OASL: variants seen among roughly 807,000 people sequenced by gnomAD.
OASL encodes the protein 2'-5'-oligoadenylate synthetase like, also known as 2'-5'-oligoadenylate synthase-like protein.
In OASL, 28 loss-of-function variants were observed where a neutral mutation model predicts 35.3. The ratio of observed to expected loss-of-function variants is 0.79; its 90% CI spans 0.59 to 1.09. The LOEUF (loss-of-function observed/expected upper bound fraction) is 1.09. Ranked by LOEUF, OASL falls within the 50% of genes least tolerant of loss-of-function variation. The pLI is 0.00. For synonymous variants in OASL, 252 were observed against 254.6 expected, an observed-to-expected ratio of 0.99 and a Z score of 0.10; for missense variants, 620 against 635.2, an observed-to-expected ratio of 0.98 and a Z score of 0.26.
At position 121,026,877 on chromosome 12, in the gene OASL, A is replaced by G. The variant is rs937785399; in HGVS notation, c.899+699T>C. Among the ~76,000 whole-genome samples, 5 of 151,800 alleles carry G rather than the reference A, an allele frequency of 3.3e-5. 1 individual carries two copies. The East Asian group carries it at 5.8e-4, about 18-fold the overall frequency. On this transcript the variant is annotated intron_variant, in intron 4 of 5. Coordinates refer to ENST00000257570, the Ensembl canonical transcript of OASL. ...AAAAAAAAAAAAAAAAAGTTACGCA[A>G]TGAGACCCAGATTCCTTCCATCTTT...
In OASL at chr12:121,033,743, C is replaced by T. The variant is rs1427842424; in HGVS notation, c.199G>A (p.Val67Met). The change falls in exon 2 of 6, where the codon GTG (valine) becomes ATG (methionine). Residue 67 changes from valine (V) to methionine (M), a missense_variant and splice_region_variant. By Grantham distance (21) the Val-to-Met change is conservative. Coordinates refer to ENST00000257570, the Ensembl canonical transcript of OASL. Reference sequence around the variant, plus strand: ...ACCGTGCCATTCCCGAAGGAGCCCACCTGCAGAACACAGAGCCCCGTCACC... The same window carrying T: ...ACCGTGCCATTCCCGAAGGAGCCCATCTGCAGAACACAGAGCCCCGTCACC... The T allele has an allele frequency of 5.6e-6, 9 of 1,611,534 alleles. No individual in the cohort carries two copies. The East Asian group carries it at 1.8e-4, about 32-fold the overall frequency.
intron 2 of OASL, among the ~76,000 whole-genome samples, chr12:121,032,821 C>T (rs1453990485): frequency 1.3e-5 from 2 of 152,172 alleles, no homozygotes; most frequent in Admixed American, 1.3e-4. Flanking sequence ...TGTTGTTTCC[C>T]CAGAAAGTCA....
At chr12:121,033,769 C>G (rs773523960) in intron 1 of OASL, 26 bp from the exon 2 acceptor site, 1 of 1,602,598 alleles carries the variant, frequency 6.2e-7, no homozygotes, top group Non-Finnish European at 8.5e-7. Flanking sequence ...CCCCGTCACC[C>G]TGAGGCCCAC....
intron 5 of OASL, among the ~76,000 whole-genome samples, chr12:121,022,504 G>A (rs868458860): frequency 2.0e-5 from 3 of 152,186 alleles, no homozygotes; most frequent in African/African-American, 4.8e-5. Flanking sequence ...ACAGGCGTGC[G>A]CCACTGCCCC....
intron 1 of OASL, among the ~76,000 whole-genome samples, chr12:121,035,029 T>C (rs1429918712): frequency 6.6e-6 from 1 of 151,914 alleles, no homozygotes; most frequent in Non-Finnish European, 1.5e-5. Context: ...CATTCTGTGT[T>C]GGGAGGTGGA....
At chr12:121,032,055 G>A (rs1279219374) in intron 2 of OASL, among the ~76,000 whole-genome samples, 2 of 152,080 alleles carry the variant, frequency 1.3e-5, no homozygotes, top group Non-Finnish European at 1.5e-5. Context: ...GCCAGGCATG[G>A]CATGGTGGCG....
Position 121,021,257 on chromosome 12 carries a change from C to A in OASL, c.1048-199G>T, listed in dbSNP as rs190014642. On this transcript the variant is annotated intron_variant, in intron 5 of 5. Coordinates refer to ENST00000257570, the Ensembl canonical transcript of OASL. ...TTAATGCATTTTATTCTCAGAGCAT[C>A]TCTATTAGTTGGTTGGTTCTACTGT... 2.0e-5 allele frequency among the ~76,000 whole-genome samples: 3 copies of A among 152,270 alleles called. No individual in the cohort carries two copies. In the East Asian group the frequency reaches 5.8e-4, roughly 29 times the overall value.
chr12:121,021,008 G>A (rs770848054), exon 6 of OASL: 1 of 1,611,854 alleles, frequency 6.2e-7, no homozygotes, highest in Non-Finnish European at 8.5e-7. Context: ...CGATGAGGTT[G>A]AAATCTGGGT....
Position 121,038,756 on chromosome 12 carries a change from G to A in OASL, c.198+18C>T. 3.1e-6 allele frequency: 5 copies of A among 1,612,838 alleles called. No homozygotes were observed. The highest frequency in any genetic ancestry group is 4.2e-6 in the Non-Finnish European group (5 of 1,178,916). On this transcript the variant is annotated intron_variant, in intron 1 of 5. Transcript: ENST00000257570. ...CTGGGTTTTGTCTTGCGTGGGGGCTGGAGGAGCCCAGTCTTACCTTGACTA... is the reference window on the plus strand; with the variant it reads ...CTGGGTTTTGTCTTGCGTGGGGGCTAGAGGAGCCCAGTCTTACCTTGACTA...
exon 1 of OASL, chr12:121,039,121 T>C (rs1326547008): frequency 4.6e-6 from 3 of 645,418 alleles, no homozygotes; most frequent in Non-Finnish European, 8.1e-6. Context: ...GGAAACCAGG[T>C]GTGACGGGCT....
chr12:121,038,037 T>C (rs1268855082), intron 1 of OASL, among the ~76,000 whole-genome samples: 1 of 146,668 alleles, frequency 6.8e-6, no homozygotes, highest in Non-Finnish European at 1.5e-5. Context: ...CAGTGAGTGG[T>C]GATTGTGCCA....
chr12:121,031,671 G>A, intron 2 of OASL, 54 bp from the exon 3 acceptor site: 2 of 1,530,704 alleles, frequency 1.3e-6, no homozygotes, highest in African/African-American at 1.4e-5. Flanking sequence ...GCCAGAGGGT[G>A]GTAAGTAGTA....
intron 3 of OASL, 107 bp downstream of exon 3, chr12:121,031,335 G>C: frequency 9.3e-7 from 1 of 1,079,470 alleles, no homozygotes; most frequent in Non-Finnish European, 1.4e-6. Context: ...CTCTCTACCT[G>C]CTTCCATTTC....
At chr12:121,035,523 T>TAAACA (rs59297547) in intron 1 of OASL, among the ~76,000 whole-genome samples, 47 of 127,402 alleles carry the variant, frequency 3.7e-4, no homozygotes, top group Non-Finnish European at 4.5e-4. Flanking sequence ...AGACTCCATC[T>TAAACA]AAACAAAACA....
At chr12:121,027,870 A>C in intron 3 of OASL, 53 bp from the exon 4 acceptor site, 2 of 1,512,610 alleles carry the variant, frequency 1.3e-6, no homozygotes. Context: ...ATTCTGTGTA[A>C]GGATGGCGTT....
At chr12:121,036,050 C>T (rs568971943) in intron 1 of OASL, among the ~76,000 whole-genome samples, 5 of 152,078 alleles carry the variant, frequency 3.3e-5, no homozygotes, top group South Asian at 2.1e-4. Context: ...TTTGTAGAGT[C>T]GGGGGTCTCA....
chr12:121,027,475 T>C, intron 4 of OASL, 101 bp downstream of exon 4: 6 of 1,531,014 alleles, frequency 3.9e-6, no homozygotes, highest in Middle Eastern at 1.8e-4. Context: ...GTGGCAGCCT[T>C]ACTGCTTAAT....
At chr12:121,032,948 C>T (rs1234935826) in intron 2 of OASL, among the ~76,000 whole-genome samples, 4 of 151,940 alleles carry the variant, frequency 2.6e-5, no homozygotes, top group Admixed American at 6.6e-5. Flanking sequence ...TTTTTTGAGA[C>T]GGAGTCTTGC....
intron 2 of OASL, 101 bp from the exon 3 acceptor site, chr12:121,031,718 CTCCAGGGACACT>C: frequency 1.0e-6 from 1 of 955,216 alleles, no homozygotes; most frequent in Non-Finnish European, 1.6e-6. Context: ...GGAAGTATCC[CTCCAGGGACACT>C]TGAGACCTCA....
Sources: gnomAD v4.1 joint callset for allele counts (sites outside exome capture counted in the v4.1 genomes callset) on GRCh38, gnomAD v4.1.1 for gene constraint, MANE v1.5 for transcripts, NCBI Gene and HGNC (gene_info 2026-07-23, HGNC 2026-07-21) for gene names.